Variants in PPARGC1A observed in about 807,000 individuals in gnomAD.
PPARGC1A encodes PPARG coactivator 1 alpha.
PPARGC1A carries 25 observed loss-of-function variants against 88.7 expected under a neutral mutation model. The observed-to-expected ratio is 0.28, with a 90% CI of 0.21 to 0.39. PPARGC1A has a LOEUF of 0.39. Among genes scored for constraint, PPARGC1A ranks in the 10% least tolerant of loss-of-function variants. PPARGC1A has a pLI of 1.00. For synonymous variants in PPARGC1A, 363 were observed against 355.6 expected (o/e 1.02, Z -0.24); for missense variants, 880 against 968.7 (o/e 0.91, Z 1.22).
chr4:23,966,267 T>A, the PPARGC1A span, among the ~76,000 whole-genome samples: 1 of 152,130 alleles, frequency 6.6e-6, no homozygotes, highest in Non-Finnish European at 1.5e-5. Context: ...GGCAGCAACA[T>A]CCAATAGAGC....
chr4:24,239,152 A>G, the PPARGC1A span, among the ~76,000 whole-genome samples: 4 of 152,272 alleles, frequency 2.6e-5, no homozygotes, highest in East Asian at 7.8e-4. Context: ...AACTTAGTCT[A>G]ATTTTTTTCA....
the PPARGC1A span, among the ~76,000 whole-genome samples, chr4:24,469,505 C>T: frequency 1.3e-5 from 2 of 152,164 alleles, no homozygotes; most frequent in African/African-American, 4.8e-5. Context: ...TGTACTTTAT[C>T]TTAAAGTTCA....
intron 2 of PPARGC1A, among the ~76,000 whole-genome samples, chr4:23,863,334 C>A (rs962354983): frequency 6.6e-6 from 1 of 152,062 alleles, no homozygotes; most frequent in African/African-American, 2.4e-5. Flanking sequence ...TCTAACAAAC[C>A]CCATATTGTC....
At chr4:24,156,700 G>A in the PPARGC1A span, among the ~76,000 whole-genome samples, 2 of 150,320 alleles carry the variant, frequency 1.3e-5, no homozygotes, top group African/African-American at 4.9e-5. Context: ...CAAAGATTAA[G>A]CTTGCCTCTT....
intron 2 of PPARGC1A, among the ~76,000 whole-genome samples, chr4:23,873,285 T>C (rs1205219741): frequency 6.6e-6 from 1 of 151,732 alleles, no homozygotes; most frequent in Non-Finnish European, 1.5e-5. Flanking sequence ...AAAGTGTTGG[T>C]AATAATCCCC....
chr4:24,147,684 T>C, the PPARGC1A span, among the ~76,000 whole-genome samples: 1 of 152,124 alleles, frequency 6.6e-6, no homozygotes, highest in East Asian at 1.9e-4. Context: ...ATCATCTCTG[T>C]GAGTCCTAAG....
At chr4:24,207,080 T>A in the PPARGC1A span, among the ~76,000 whole-genome samples, 1 of 152,078 alleles carries the variant, frequency 6.6e-6, no homozygotes, top group African/African-American at 2.4e-5. Flanking sequence ...CAAATTTTTT[T>A]AAATGTTTTG....
At chr4:24,072,847 A>G in the PPARGC1A span, among the ~76,000 whole-genome samples, 13 of 152,168 alleles carry the variant, frequency 8.5e-5, no homozygotes, top group Non-Finnish European at 1.6e-4. Context: ...TTTTATGTAC[A>G]TATATTATTC....
chr4:24,437,594 T>TTG, the PPARGC1A span, among the ~76,000 whole-genome samples: 98 of 143,840 alleles, frequency 6.8e-4, no homozygotes, highest in South Asian at 3.2e-3. Flanking sequence ...GCACAGGTTT[T>TTG]TTGTTGTTGT....
chr4:24,396,059 C>T, the PPARGC1A span, among the ~76,000 whole-genome samples: 440 of 152,160 alleles, frequency 2.9e-3, 2 homozygotes, highest in African/African-American at 0.01. Flanking sequence ...AACAGGTGTC[C>T]GAGAGACTCA....
chr4:23,831,579 T>C lies in PPARGC1A; in HGVS notation c.407A>G (p.Gln136Arg). 6.2e-7 allele frequency: 1 copy of C among 1,614,050 alleles called. No homozygotes were observed. The highest frequency in any genetic ancestry group is 1.3e-5 in the African/African-American group (1 of 75,044). ...TACTAGAGACGGCTCTTCTGCCTCC[T>C]GGGGTGGAGGGGTGCCGTCAGGCAT... ...SSMPDGTPPPQEAEEPSLLKK... is the reference protein window; with the variant it reads ...SSMPDGTPPPREAEEPSLLKK... The change falls in exon 3 of 13, where the codon CAG (glutamine) becomes CGG (arginine). Residue 136 changes from glutamine to arginine, a missense_variant. Coordinates refer to ENST00000264867, the MANE Select transcript of PPARGC1A (RefSeq NM_013261.5).
At chr4:24,467,048 G>GAA in the PPARGC1A span, among the ~76,000 whole-genome samples, 1 of 102,532 alleles carries the variant, frequency 9.8e-6, no homozygotes, top group African/African-American at 3.7e-5. Flanking sequence ...GAGAGAGAGA[G>GAA]AAAAAGAAAG....
the PPARGC1A span, among the ~76,000 whole-genome samples, chr4:24,151,983 G>A: frequency 1.3e-5 from 2 of 152,204 alleles, no homozygotes; most frequent in African/African-American, 4.8e-5. Context: ...GCACAGGAAG[G>A]GGAAATGCAT....
At chr4:23,851,664 A>T (rs1223215882) in intron 2 of PPARGC1A, among the ~76,000 whole-genome samples, 1 of 152,116 alleles carries the variant, frequency 6.6e-6, no homozygotes, top group Non-Finnish European at 1.5e-5. Context: ...AAAACTTAAC[A>T]CTGTGAACGC....
In PPARGC1A at chr4:23,831,668, C is replaced by T. The variant is rs1344814235; in HGVS notation, c.318G>A (p.Leu106=). 2.5e-5 allele frequency: 40 copies of T among 1,613,822 alleles called. No homozygotes were observed. The highest frequency in any genetic ancestry group is 3.3e-5 in the Non-Finnish European group (39 of 1,179,870). Residue 106 remains leucine, a synonymous_variant, in exon 3 of 13, where the codon TTG becomes TTA. Transcript: ENST00000264867. ...LDSLPVDEDG[L]PSFDALTDGD... is the part of the protein sequence containing the mutation. ...CATCTGTCAGCGCATCAAATGAGGG[C>T]AATCCGTCTTCATCCACAGGGAGAC...
At chr4:24,406,267 A>G in the PPARGC1A span, among the ~76,000 whole-genome samples, 1 of 152,188 alleles carries the variant, frequency 6.6e-6, no homozygotes, top group Non-Finnish European at 1.5e-5. Flanking sequence ...TCTTCCCACA[A>G]GAAGTTAGGC....
chr4:23,810,553 CCTTT>C (rs1055359692), intron 10 of PPARGC1A, among the ~76,000 whole-genome samples: 5 of 152,276 alleles, frequency 3.3e-5, no homozygotes, highest in African/African-American at 1.2e-4. Context: ...CACCTCCCTT[CCTTT>C]CTTTATTAAT....
At chr4:24,335,378 C>A in the PPARGC1A span, among the ~76,000 whole-genome samples, 3 of 152,140 alleles carry the variant, frequency 2.0e-5, no homozygotes, top group Non-Finnish European at 4.4e-5. Flanking sequence ...GATGCCAGCC[C>A]ATAGGTGCTT....
At chr4:23,848,616 T>C (rs1728717973) in intron 2 of PPARGC1A, among the ~76,000 whole-genome samples, 1 of 152,220 alleles carries the variant, frequency 6.6e-6, no homozygotes, top group Non-Finnish European at 1.5e-5. Flanking sequence ...CAGTGCCATT[T>C]CAGCGTCAAT....
Sources: allele counts gnomAD v4.1 joint callset (sites outside exome capture counted in the v4.1 genomes callset), GRCh38; gene constraint gnomAD v4.1.1; transcripts MANE v1.5; gene names NCBI Gene and HGNC (gene_info 2026-07-23, HGNC 2026-07-21).